The following UGT1A6 variants were observed in gnomAD, a reference collection of about 807,000 sequenced individuals.
UGT1A6 encodes the protein UDP glucuronosyltransferase family 1 member A6.
In UGT1A6, 32 loss-of-function variants were observed where a neutral mutation model predicts 44.4. That is an observed-to-expected ratio of 0.72 (90% CI 0.54 to 0.97). The LOEUF (loss-of-function observed/expected upper bound fraction) is 0.97, where lower values mean the gene tolerates loss of function less well. Ranked by LOEUF, UGT1A6 falls within the 50% of genes least tolerant of loss-of-function variation. The pLI is 0.00. For missense variants in UGT1A6, 685 were observed against 661.9 expected, an observed-to-expected ratio of 1.03 and a Z score of -0.38; for synonymous variants, 238 against 248.5, an observed-to-expected ratio of 0.96 and a Z score of 0.40.
At chr2:233,760,556 A>G (rs1285506084) in intron 1 of UGT1A6, 1 of 1,614,220 alleles carries the variant, frequency 6.2e-7, no homozygotes, top group Admixed American at 1.7e-5. Context: ...GATGTGAAAG[A>G]GTCTTTTGTT....
At chr2:233,724,372 TGCCGGGC>T (rs1434550848) in intron 1 of UGT1A6, among the ~76,000 whole-genome samples, 1 of 143,294 alleles carries the variant, frequency 7.0e-6, no homozygotes, top group Non-Finnish European at 1.5e-5. Context: ...ACGGGGTGGC[TGCCGGGC>T]GGAGACGCTC....
At chr2:233,731,900 A>G (rs2078218151) in intron 1 of UGT1A6, among the ~76,000 whole-genome samples, 1 of 152,238 alleles carries the variant, frequency 6.6e-6, no homozygotes. Flanking sequence ...CACTCCCACC[A>G]ATGGTGTAAA....
chr2:233,736,773 T>A (rs572779533), intron 1 of UGT1A6, among the ~76,000 whole-genome samples: 1 of 152,322 alleles, frequency 6.6e-6, no homozygotes, highest in African/African-American at 2.4e-5. Flanking sequence ...AACAGTCAGA[T>A]CCCTCAGCTG....
intron 1 of UGT1A6, 128 bp downstream of exon 1, chr2:233,693,993 C>A: frequency 1.3e-6 from 2 of 1,526,758 alleles, no homozygotes; most frequent in East Asian, 2.2e-5. Context: ...GAAGTGATAC[C>A]CGGCTCGGAG....
chr2:233,712,907 A>C, intron 1 of UGT1A6: 1 of 1,610,566 alleles, frequency 6.2e-7, no homozygotes, highest in Non-Finnish European at 8.5e-7. Flanking sequence ...TAGGTGTCTC[A>C]GTGACAAGGT....
At position 233,728,984 on chromosome 2, in the gene UGT1A6, A is replaced by T. The variant is rs532880751; in HGVS notation, c.861+35119A>T. On this transcript the variant is annotated intron_variant, in intron 1 of 4. Transcript: ENST00000305139. ...AAACAGTGATAGATTAATGGTTAAT[A>T]ATTAACTAGAGGAGGGCACTCTGTC... 6.7e-5 allele frequency: 101 copies of T among 1,514,708 alleles called. 1 individual carries two copies. The South Asian group carries it at 1.2e-3, about 19-fold the overall frequency. The allele number at this position is 1,514,708 out of a possible 1,614,324, so 93.8% of individuals were successfully genotyped here.
chr2:233,702,895 A>C (rs2075712942), intron 1 of UGT1A6, among the ~76,000 whole-genome samples: 1 of 152,172 alleles, frequency 6.6e-6, no homozygotes, highest in Non-Finnish European at 1.5e-5. Flanking sequence ...TCATATCCAT[A>C]AGAGATATTG....
In UGT1A6 at chr2:233,769,917, G is replaced by C. The variant is rs1699982353; in HGVS notation, c.1301+1478G>C. On this transcript the variant is annotated intron_variant, in intron 4 of 4. Transcript: ENST00000305139. The surrounding 1 kb of genome is among the most constrained non-coding windows in gnomAD (Gnocchi z 4.4). ...CTGAGCATCATGTGCCCAGAGCGTT[G>C]GGTGGTGTGGTCCCATTCCTTCCTT... 6.9e-6 allele frequency: 2 copies of C among 288,250 alleles called. No homozygotes were observed. The highest frequency in any genetic ancestry group is 1.3e-5 in the Non-Finnish European group (2 of 154,420). 17.9% of individuals were successfully genotyped at this position (288,250 alleles called of 1,614,324 possible). A position where few individuals can be genotyped will look rare whatever the true frequency, so the allele number is the denominator to read the frequency against.
chr2:233,756,397 G>A (rs553407927), intron 1 of UGT1A6: 1 of 151,974 alleles, frequency 6.6e-6, no homozygotes, highest in South Asian at 2.1e-4. Flanking sequence ...TACAGTATTG[G>A]TTTTTTATTT....
intron 1 of UGT1A6, among the ~76,000 whole-genome samples, chr2:233,757,286 A>G (rs1696467514): frequency 8.1e-6 from 1 of 123,644 alleles, no homozygotes. Flanking sequence ...TTCAGAAGGG[A>G]CAGCTGGGGG....
In UGT1A6 at chr2:233,719,944, A is replaced by G. The variant is rs28898612; in HGVS notation, c.861+26079A>G. Among the ~76,000 whole-genome samples, 584 of 152,290 alleles carry G rather than the reference A, an allele frequency of 3.8e-3. 2 individuals are homozygous for G. Among genetic ancestry groups the G allele is most frequent in the African/African-American group, 0.013 (558 of 41,550 alleles). ...ACTCACGGACAGTGTTTGTAAAGGC[A>G]CCATCTTCATGGTTGTGCATGTCCT... On this transcript the variant is annotated intron_variant, in intron 1 of 4. Coordinates refer to ENST00000305139, the MANE Select transcript of UGT1A6 (RefSeq NM_001072.4).
In UGT1A6 at chr2:233,718,852, G is replaced by A. The variant is rs149314940; in HGVS notation, c.861+24987G>A. On this transcript the variant is annotated intron_variant, in intron 1 of 4. Coordinates refer to ENST00000305139, the MANE Select transcript of UGT1A6 (RefSeq NM_001072.4). ...AGAGGACTCCAGGTTCCCCTGCCGC[G>A]GCTGGCCACAGGACTGCTGCTCCTC... The A allele has an allele frequency of 5.0e-5, 80 of 1,613,718 alleles. No homozygotes were observed. Among genetic ancestry groups the A allele is most frequent in the Middle Eastern group, 1.7e-4 (1 of 5,766 alleles).
chr2:233,745,271 G>A (rs1376057021), intron 1 of UGT1A6, among the ~76,000 whole-genome samples: 1 of 151,866 alleles, frequency 6.6e-6, no homozygotes, highest in Non-Finnish European at 1.5e-5. Flanking sequence ...TGCAGGCCGT[G>A]TGTATAGCAC....
intron 1 of UGT1A6, among the ~76,000 whole-genome samples, chr2:233,737,472 C>A (rs1374146427): frequency 6.6e-6 from 1 of 152,196 alleles, no homozygotes; most frequent in Non-Finnish European, 1.5e-5. Flanking sequence ...CATGGCTCCC[C>A]TTGTCTAGGA....
chr2:233,720,538 C>T (rs377667530), intron 1 of UGT1A6, among the ~76,000 whole-genome samples: 1 of 152,064 alleles, frequency 6.6e-6, no homozygotes, highest in South Asian at 2.1e-4. Flanking sequence ...CTCACCCTAT[C>T]CCACTCCAAG....
intron 1 of UGT1A6, chr2:233,719,017 A>G: frequency 6.2e-7 from 1 of 1,614,274 alleles, no homozygotes; most frequent in Non-Finnish European, 8.5e-7. Flanking sequence ...CCAGAGGTGA[A>G]TATGCACATC....
At position 233,693,284 on chromosome 2, in the gene UGT1A6, T is replaced by C; in HGVS notation, c.280T>C (p.Phe94Leu). The C allele has an allele frequency of 6.2e-7, 1 of 1,614,156 alleles. No homozygotes were observed. The highest frequency in any genetic ancestry group is 8.5e-7 in the Non-Finnish European group (1 of 1,180,020). Residue 94 changes from phenylalanine to leucine, a missense_variant, in exon 1 of 5, where the codon TTT becomes CTT. By Grantham distance (22) the Phe-to-Leu change is conservative (BLOSUM62 0). Coordinates refer to ENST00000305139, the MANE Select transcript of UGT1A6 (RefSeq NM_001072.4). ...AGAGCTGAAGAACCGTTACCAATCA[T>C]TTGGAAACAATCACTTTGCTGAGCG... The part of the protein sequence containing the change: ...QEELKNRYQS[F>L]GNNHFAERSF...
At chr2:233,718,401 C>T (rs1023321432) in intron 1 of UGT1A6, among the ~76,000 whole-genome samples, 2 of 152,202 alleles carry the variant, frequency 1.3e-5, no homozygotes, top group Non-Finnish European at 2.9e-5. Flanking sequence ...TAGCAAATAG[C>T]GTCACATTCA....
At chr2:233,738,451 G>A (rs1425081316) in intron 1 of UGT1A6, among the ~76,000 whole-genome samples, 1 of 152,222 alleles carries the variant, frequency 6.6e-6, no homozygotes, top group Non-Finnish European at 1.5e-5. Context: ...AAGACAGGAA[G>A]ATGTGGGAAA....
Sources: gnomAD v4.1 joint callset for allele counts (sites outside exome capture counted in the v4.1 genomes callset) on GRCh38, gnomAD v4.1.1 for gene constraint, Gnocchi (gnomAD v3.1) non-coding constraint, MANE v1.5 for transcripts, NCBI Gene and HGNC (gene_info 2026-07-23, HGNC 2026-07-21) for gene names.